LRP1B: variants seen among roughly 807,000 people sequenced by gnomAD.
The protein encoded by LRP1B is LDL receptor related protein 1B.
In LRP1B, 217 loss-of-function variants were observed where a neutral mutation model predicts 556.6. The observed-to-expected ratio is 0.39, with a 90% CI of 0.35 to 0.44. LRP1B has a LOEUF of 0.44. Among genes scored for constraint, LRP1B ranks in the 20% least tolerant of loss-of-function variants. The pLI, the probability that LRP1B is intolerant of heterozygous loss-of-function variation, is 1.00. For synonymous variants in LRP1B, 2,047 were observed against 1,865.8 expected, an observed-to-expected ratio of 1.10 and a Z score of -2.50; for missense variants, 5,053 against 5,620.8, an observed-to-expected ratio of 0.90 and a Z score of 3.23.
At chr2:140,498,286 C>T (rs985283386) in intron 55 of LRP1B, among the ~76,000 whole-genome samples, 6 of 151,604 alleles carry the variant, frequency 4.0e-5, no homozygotes, top group Admixed American at 3.3e-4. Flanking sequence ...ATAACTAAGC[C>T]TTTTCTATTT....
rs187444115 is a variant in LRP1B at position 141,630,116 on chromosome 2, T to C, written c.206-149583A>G. On this transcript the variant is annotated intron_variant, in intron 2 of 90. Transcript: ENST00000389484. ...GAAGTAGCTTAATGTTCCCTGCCAC[T>C]GTGGAAAATGTTTTATTGGACAAAT... Among the ~76,000 whole-genome samples, 176 of 152,306 alleles carry C rather than the reference T, an allele frequency of 1.2e-3. 1 individual carries two copies. The highest frequency in any genetic ancestry group is 4.0e-3 in the African/African-American group (168 of 41,566).
At chr2:140,489,937 A>G (rs1421689049) in intron 57 of LRP1B, among the ~76,000 whole-genome samples, 4 of 152,100 alleles carry the variant, frequency 2.6e-5, no homozygotes. Context: ...TGGAAGCTCT[A>G]AATTCCAACA....
chr2:141,013,569 T>C lies in LRP1B; in HGVS notation c.2367A>G (p.Pro789=), dbSNP rs1329058996. 4 of 1,607,648 alleles carry C rather than the reference T, an allele frequency of 2.5e-6. No homozygotes were observed. Among genetic ancestry groups the C allele is most frequent in the Non-Finnish European group, 3.4e-6 (4 of 1,177,588 alleles). ...GTTTTTTAATACCTTGTTGCTTTCG[T>C]GGATCATAAATCTGAAGCCCAAATA... is the stretch of plus-strand genomic sequence containing the variant. The part of the protein sequence containing the change: ...PPLFGLQIYD[P]RKQQGDNMCR... The change falls in exon 14 of 91, where the codon CCA becomes CCG. Residue 789 remains proline, a synonymous_variant. Transcript: ENST00000389484.
At chr2:140,920,429 CT>C (rs1351267036) in intron 21 of LRP1B, among the ~76,000 whole-genome samples, 1 of 151,972 alleles carries the variant, frequency 6.6e-6, no homozygotes, top group East Asian at 1.9e-4. Context: ...TAGCCTGAAA[CT>C]TTTCAATGTT....
chr2:142,059,931 T>G lies in LRP1B; in HGVS notation c.82+70717A>C, dbSNP rs142717229. ...GTTGAATAAAGTTTATTTAGAGTGT[T>G]GAATGCCTTAACCACATTTATAAAA... On this transcript the variant is annotated intron_variant, in intron 1 of 90. Transcript: ENST00000389484. Among the ~76,000 whole-genome samples the G allele has an allele frequency of 3.8e-4, 58 of 152,214 alleles. 1 individual carries two copies. In the East Asian group the frequency reaches 0.01, roughly 27 times the overall value.
chr2:140,940,280 C>A (rs1695359228), intron 20 of LRP1B, among the ~76,000 whole-genome samples: 1 of 151,936 alleles, frequency 6.6e-6, no homozygotes, highest in African/African-American at 2.4e-5. Flanking sequence ...ATGTTTATTT[C>A]AAAAATGGCT....
intron 84 of LRP1B, among the ~76,000 whole-genome samples, chr2:140,292,665 A>G (rs1413010099): frequency 1.3e-5 from 2 of 152,116 alleles, no homozygotes. Context: ...TTGACCTATA[A>G]TAACTCGTTT....
intron 2 of LRP1B, among the ~76,000 whole-genome samples, chr2:141,705,427 C>G (rs1259612068): frequency 2.0e-5 from 3 of 151,844 alleles, no homozygotes; most frequent in African/African-American, 7.2e-5. Context: ...GTTCCATGTC[C>G]CAGAATCTCC....
chr2:140,427,929 C>T (rs967145846), intron 66 of LRP1B, among the ~76,000 whole-genome samples: 3 of 152,162 alleles, frequency 2.0e-5, no homozygotes, highest in Non-Finnish European at 1.5e-5. Context: ...AGCCCTCCCC[C>T]ACCTGCCCAG....
intron 85 of LRP1B, among the ~76,000 whole-genome samples, chr2:140,273,701 A>G: frequency 6.6e-6 from 1 of 151,964 alleles, no homozygotes; most frequent in Non-Finnish European, 1.5e-5. Context: ...AGTTCTTTAT[A>G]AGCCCTTCCT....
chr2:141,512,782 C>A (rs1304878883), intron 2 of LRP1B, among the ~76,000 whole-genome samples: 1 of 150,714 alleles, frequency 6.6e-6, no homozygotes, highest in Non-Finnish European at 1.5e-5. Flanking sequence ...AAAAAAAAAT[C>A]CACAAAACTT....
chr2:141,467,511 AGGTAGATGGC>A (rs1682278313), intron 3 of LRP1B, among the ~76,000 whole-genome samples: 1 of 152,130 alleles, frequency 6.6e-6, no homozygotes, highest in Admixed American at 6.5e-5. Context: ...TGAAGGCATA[AGGTAGATGGC>A]AATCTGTCTA....
intron 77 of LRP1B, among the ~76,000 whole-genome samples, chr2:140,345,173 C>T (rs899613245): frequency 2.4e-4 from 36 of 151,590 alleles, no homozygotes; most frequent in Non-Finnish European, 1.0e-4. Flanking sequence ...AGTACTCTCC[C>T]GATTGTAACA....
chr2:141,807,189 A>G (rs1200809271), intron 2 of LRP1B, among the ~76,000 whole-genome samples: 1 of 152,192 alleles, frequency 6.6e-6, no homozygotes, highest in South Asian at 2.1e-4. Context: ...ATTACAAAGT[A>G]CTGTGATTAC....
intron 2 of LRP1B, among the ~76,000 whole-genome samples, chr2:141,672,484 G>A (rs1397695181): frequency 6.6e-6 from 1 of 152,140 alleles, no homozygotes; most frequent in Non-Finnish European, 1.5e-5. Flanking sequence ...AGGTTACAAA[G>A]TCACACAAAA....
chr2:140,394,131 T>TA (rs746137786), intron 66 of LRP1B, among the ~76,000 whole-genome samples: 1 of 143,070 alleles, frequency 7.0e-6, no homozygotes, highest in Non-Finnish European at 1.6e-5. Context: ...CATATTTTTT[T>TA]TTTTTTTTTT....
At chr2:140,790,962 T>A (rs1319461687) in intron 32 of LRP1B, among the ~76,000 whole-genome samples, 2 of 145,324 alleles carry the variant, frequency 1.4e-5, no homozygotes, top group Non-Finnish European at 3.0e-5. Flanking sequence ...TTTTTTTTAA[T>A]TATCTGGGCT....
chr2:141,320,124 A>G (rs987714168), intron 3 of LRP1B, among the ~76,000 whole-genome samples: 12 of 152,130 alleles, frequency 7.9e-5, no homozygotes, highest in African/African-American at 2.9e-4. Context: ...GTTCTACAGC[A>G]TAATTGTGTA....
chr2:141,611,411 G>A (rs1688104176), intron 2 of LRP1B, among the ~76,000 whole-genome samples: 1 of 152,144 alleles, frequency 6.6e-6, no homozygotes. Flanking sequence ...GAAAGGTTGT[G>A]TCCTCCTCCT....
Sources: gnomAD v4.1 joint callset for allele counts (sites outside exome capture counted in the v4.1 genomes callset) on GRCh38, gnomAD v4.1.1 for gene constraint, MANE v1.5 for transcripts, NCBI Gene and HGNC (gene_info 2026-07-23, HGNC 2026-07-21) for gene names.